Variants in NRG3 observed in about 807,000 individuals in gnomAD.
NRG3 encodes the protein neuregulin 3.
NRG3 carries 31 observed loss-of-function variants against 66.9 expected under a neutral mutation model. The observed-to-expected ratio is 0.46, with a 90% confidence interval of 0.35 to 0.63. NRG3 has a LOEUF of 0.63. Among genes scored for constraint, NRG3 ranks in the 20% least tolerant of loss-of-function variants. The probability of loss-of-function intolerance (pLI) is 0.00; values close to 1 mark genes in which losing one functional copy is unlikely to be tolerated. For synonymous variants in NRG3, 393 were observed against 359.4 expected, an observed-to-expected ratio of 1.09 and a Z score of -1.06; for missense variants, 910 against 878.9, an observed-to-expected ratio of 1.04 and a Z score of -0.45.
intron 2 of NRG3, among the ~76,000 whole-genome samples, chr10:82,554,904 T>G (rs754553388): frequency 5.3e-5 from 8 of 152,166 alleles, no homozygotes; most frequent in Non-Finnish European, 7.4e-5. Flanking sequence ...GATAGTTGGG[T>G]TCTTCCTTTA....
intron 1 of NRG3, among the ~76,000 whole-genome samples, chr10:82,134,888 T>C (rs1252161878): frequency 6.6e-6 from 1 of 152,064 alleles, no homozygotes; most frequent in East Asian, 1.9e-4. Context: ...TTTGGGAGGC[T>C]GAGGCAGGCA....
At chr10:82,805,905 C>T (rs1371259694) in intron 3 of NRG3, among the ~76,000 whole-genome samples, 1 of 152,134 alleles carries the variant, frequency 6.6e-6, no homozygotes, top group Non-Finnish European at 1.5e-5. Flanking sequence ...TGGATCAGTA[C>T]ATTTTAGTAT....
chr10:82,592,863 G>T (rs544519938), intron 2 of NRG3, among the ~76,000 whole-genome samples: 1 of 152,206 alleles, frequency 6.6e-6, no homozygotes, highest in Admixed American at 6.5e-5. Context: ...CCATAAAAGT[G>T]TTCTGTGTTG....
Position 82,152,634 on chromosome 10 carries a change from A to T in NRG3, c.824-206105A>T, listed in dbSNP as rs73320384. Among the ~76,000 whole-genome samples the T allele has an allele frequency of 7.8e-3, 1,187 of 152,118 alleles. 20 individuals are homozygous for T. The highest frequency in any genetic ancestry group is 0.027 in the African/African-American group (1,124 of 41,476). ...GTACCACTCACTATATTTGGACCTC[A>T]GCTCCCTCATTGTCAAATAGATAAT... On this transcript the variant is annotated intron_variant, in intron 1 of 8. Coordinates refer to ENST00000372141, the MANE Select transcript of NRG3 (RefSeq NM_001010848.4).
rs1426415884 is a variant in NRG3 at position 82,310,114 on chromosome 10, A to G, written c.824-48625A>G. ...AGCCTCCAGTCTCTCCCTCCCATCC[A>G]TCCTTCTCAATGCTGTCAGAGTAAT... On this transcript the variant is annotated intron_variant, in intron 1 of 8. Transcript: ENST00000372141. 2.0e-5 allele frequency among the ~76,000 whole-genome samples: 3 copies of G among 152,062 alleles called. No homozygotes were observed. In the East Asian group the frequency reaches 5.8e-4, roughly 29 times the overall value.
intron 3 of NRG3, among the ~76,000 whole-genome samples, chr10:82,758,747 T>C (rs2059179715): frequency 6.6e-6 from 1 of 152,060 alleles, no homozygotes; most frequent in African/African-American, 2.4e-5. Context: ...AATGGAACAG[T>C]AGAGGCACTT....
intron 1 of NRG3, among the ~76,000 whole-genome samples, chr10:82,298,450 T>C (rs1020004226): frequency 2.6e-5 from 4 of 152,208 alleles, no homozygotes; most frequent in African/African-American, 9.6e-5. Flanking sequence ...GAGCTCATTT[T>C]ACTATATAAC....
intron 1 of NRG3, among the ~76,000 whole-genome samples, chr10:82,173,678 C>CACACACACAT (rs2072807714): frequency 6.7e-6 from 1 of 148,156 alleles, no homozygotes; most frequent in Admixed American, 6.7e-5. Context: ...TATGTGAACA[C>CACACACACAT]ACACACACAC....
At chr10:81,981,981 C>A (rs560247825) in intron 1 of NRG3, among the ~76,000 whole-genome samples, 2 of 152,196 alleles carry the variant, frequency 1.3e-5, no homozygotes, top group African/African-American at 4.8e-5. Flanking sequence ...CAGCTACATT[C>A]TTGGTTTTCT....
chr10:82,263,690 T>C (rs951738683), intron 1 of NRG3, among the ~76,000 whole-genome samples: 2 of 152,094 alleles, frequency 1.3e-5, no homozygotes, highest in African/African-American at 2.4e-5. Context: ...ATTGTATAAA[T>C]TTTTCCATAG....
chr10:82,712,539 G>T (rs2056736383), intron 2 of NRG3, among the ~76,000 whole-genome samples: 1 of 152,232 alleles, frequency 6.6e-6, no homozygotes, highest in East Asian at 1.9e-4. Flanking sequence ...GCTGGGTGCA[G>T]ATAATTTGTA....
intron 4 of NRG3, among the ~76,000 whole-genome samples, chr10:82,884,403 A>G (rs2076683316): frequency 6.6e-6 from 1 of 152,210 alleles, no homozygotes; most frequent in Admixed American, 6.5e-5. Flanking sequence ...GAGGAAATAA[A>G]GTTTAAAAAT....
chr10:82,041,675 C>T (rs1019562865), intron 1 of NRG3, among the ~76,000 whole-genome samples: 1 of 151,934 alleles, frequency 6.6e-6, no homozygotes, highest in Non-Finnish European at 1.5e-5. Context: ...CAAAGTGTTC[C>T]TGAGTAGACC....
At chr10:82,503,240 A>C (rs769478339) in intron 2 of NRG3, among the ~76,000 whole-genome samples, 9 of 152,178 alleles carry the variant, frequency 5.9e-5, no homozygotes, top group Non-Finnish European at 1.0e-4. Context: ...AAGCTTATGA[A>C]CTTTAGAAGA....
chr10:82,927,810 G>GCAATAAA (rs1275593718), intron 4 of NRG3, among the ~76,000 whole-genome samples: 9 of 152,174 alleles, frequency 5.9e-5, no homozygotes, highest in African/African-American at 2.2e-4. Flanking sequence ...ACATACGTGT[G>GCAATAAA]CGTGTGTCTT....
At chr10:82,323,360 G>A (rs2135167604) in intron 1 of NRG3, among the ~76,000 whole-genome samples, 1 of 152,310 alleles carries the variant, frequency 6.6e-6, no homozygotes, top group East Asian at 1.9e-4. Flanking sequence ...GTCAGCCAGG[G>A]TGGGGCTTAG....
At chr10:82,831,175 G>A (rs2062501379) in intron 3 of NRG3, among the ~76,000 whole-genome samples, 1 of 152,122 alleles carries the variant, frequency 6.6e-6, no homozygotes, top group South Asian at 2.1e-4. Context: ...CAGGGCCAGT[G>A]AGGCCATGAA....
chr10:82,741,789 C>T (rs902872521), intron 3 of NRG3, among the ~76,000 whole-genome samples: 1 of 152,078 alleles, frequency 6.6e-6, no homozygotes, highest in Admixed American at 6.5e-5. Flanking sequence ...TCCCCTAGAA[C>T]CCTCCCTTCT....
At chr10:82,710,354 G>A (rs141947195) in intron 2 of NRG3, among the ~76,000 whole-genome samples, 1,645 of 152,234 alleles carry the variant, frequency 0.011, 30 homozygotes, top group African/African-American at 0.038. Flanking sequence ...GGGAGGCCAA[G>A]GCAGGTGAAT....
Sources: allele counts gnomAD v4.1 joint callset (sites outside exome capture counted in the v4.1 genomes callset), GRCh38; gene constraint gnomAD v4.1.1; transcripts MANE v1.5; gene names NCBI Gene and HGNC (gene_info 2026-07-23, HGNC 2026-07-21).